REV1: variants seen among roughly 807,000 people sequenced by gnomAD.
REV1 encodes translesion synthesis protein REV1.
REV1 carries 42 observed loss-of-function variants against 137.4 expected under a neutral mutation model. The observed-to-expected ratio is 0.31, with a 90% CI of 0.24 to 0.40. The LOEUF (loss-of-function observed/expected upper bound fraction) is 0.40. REV1 is among the 10% of genes least tolerant of loss of function. The pLI, the probability that REV1 is intolerant of heterozygous loss-of-function variation, is 1.00. For missense variants in REV1, 1,282 were observed against 1,490.1 expected (o/e 0.86, Z 2.30); for synonymous variants, 524 against 519.2 (o/e 1.01, Z -0.12).
intron 1 of REV1, among the ~76,000 whole-genome samples, chr2:99,485,872 T>C (rs1687071571): frequency 6.6e-6 from 1 of 152,122 alleles, no homozygotes; most frequent in Non-Finnish European, 1.5e-5. Context: ...TCCCACCATT[T>C]TGGGAGGATG....
At chr2:99,433,015 AAG>A (rs1680311308) in intron 8 of REV1, among the ~76,000 whole-genome samples, 1 of 152,212 alleles carries the variant, frequency 6.6e-6, no homozygotes, top group African/African-American at 2.4e-5. Flanking sequence ...CTGAGCACTG[AAG>A]ATGCTACTGC....
At chr2:99,451,217 G>T in intron 3 of REV1, 1 of 457,942 alleles carries the variant, frequency 2.2e-6, no homozygotes, top group Non-Finnish European at 3.0e-6. Context: ...TAATTTGCAA[G>T]TTAATCTGTA....
chr2:99,402,177 C>T, intron 22 of REV1, 67 bp downstream of exon 22: 1 of 674,128 alleles, frequency 1.5e-6, no homozygotes, highest in Non-Finnish European at 2.6e-6. Flanking sequence ...TTTAAAACAA[C>T]TCAGTACACC....
chr2:99,448,305 T>C (rs574925251), intron 4 of REV1, among the ~76,000 whole-genome samples: 1 of 146,370 alleles, frequency 6.8e-6, no homozygotes, highest in Admixed American at 6.6e-5. Flanking sequence ...ATTACTACTT[T>C]AATATTTTAC....
chr2:99,429,703 T>C, intron 9 of REV1, 137 bp downstream of exon 9: 1 of 516,964 alleles, frequency 1.9e-6, no homozygotes, highest in East Asian at 3.3e-5. Context: ...GGGGCATAGA[T>C]GAGATGATTA....
intron 2 of REV1, 133 bp from the exon 3 acceptor site, chr2:99,462,755 C>T: frequency 1.1e-6 from 1 of 899,484 alleles, no homozygotes; most frequent in South Asian, 1.7e-5. Flanking sequence ...ATAATGATGA[C>T]CTCATAAACA....
intron 17 of REV1, 22 bp from the exon 18 acceptor site, chr2:99,404,699 A>G: frequency 6.5e-7 from 1 of 1,547,122 alleles, no homozygotes; most frequent in Non-Finnish European, 8.9e-7. Flanking sequence ...CAAACATATG[A>G]GTAGGAAGTT....
At chr2:99,480,426 A>G (rs1020955751) in intron 1 of REV1, among the ~76,000 whole-genome samples, 5 of 152,248 alleles carry the variant, frequency 3.3e-5, no homozygotes, top group African/African-American at 1.2e-4. Context: ...GTGGAGAAAT[A>G]TAACAGAAGG....
chr2:99,407,077 G>GTTTTTT (rs1293864331), intron 15 of REV1: 5 of 46,782 alleles, frequency 1.1e-4, no homozygotes, highest in African/African-American at 3.2e-4. Context: ...ACCTACAAAG[G>GTTTTTT]TTCTTTTTTT....
chr2:99,420,878 C>A (rs1446215679), intron 11 of REV1, among the ~76,000 whole-genome samples: 1 of 152,018 alleles, frequency 6.6e-6, no homozygotes, highest in East Asian at 1.9e-4. Context: ...GGGTATCTTG[C>A]CAGAAGGTAA....
intron 5 of REV1, among the ~76,000 whole-genome samples, chr2:99,439,592 T>A (rs763421986): frequency 4.6e-5 from 7 of 152,340 alleles, no homozygotes; most frequent in Non-Finnish European, 8.8e-5. Flanking sequence ...GTTTGTTTTT[T>A]ATTTTCACTT....
At chr2:99,429,321 C>T (rs13429185) in intron 9 of REV1, among the ~76,000 whole-genome samples, 23,617 of 152,008 alleles carry the variant, frequency 0.16, 2,233 homozygotes, top group African/African-American at 0.24. Flanking sequence ...AAGACCTATA[C>T]AAAAAGTTGG....
At position 99,402,698 on chromosome 2, in the gene REV1, C is replaced by T. The variant is rs1423283262; in HGVS notation, c.3487G>A (p.Val1163Ile). The T allele has an allele frequency of 5.6e-6, 9 of 1,614,182 alleles. No homozygotes were observed. Among genetic ancestry groups the T allele is most frequent in the Non-Finnish European group, 7.6e-6 (9 of 1,180,026 alleles). ...AAGGTCTTCACATCATTGAATTCAACAGCTCCAGCTAGATTGGGTGCTGGA... is the reference window on the plus strand; with the variant it reads ...AAGGTCTTCACATCATTGAATTCAATAGCTCCAGCTAGATTGGGTGCTGGA... ...RPPAPNLAGA[V>I]EFNDVKTLLR... is the part of the protein sequence containing the mutation. Residue 1163 changes from valine (V) to isoleucine (I), a missense_variant, in exon 21 of 23, where the codon GTT becomes ATT. Around this residue, in one of 7 missense-constraint regions of REV1, gnomAD observed 170 missense variants for 156.8 expected, o/e 1.08. Transcript: ENST00000258428.
chr2:99,447,965 G>C (rs1682439500), intron 4 of REV1, among the ~76,000 whole-genome samples: 1 of 152,060 alleles, frequency 6.6e-6, no homozygotes. Context: ...CAAAGTGCTG[G>C]GATTACAGGC....
At chr2:99,425,508 T>C (rs1015014331) in intron 9 of REV1, among the ~76,000 whole-genome samples, 2 of 152,166 alleles carry the variant, frequency 1.3e-5, no homozygotes, top group African/African-American at 2.4e-5. Context: ...AACCTTGCAC[T>C]TGCCTAGAAA....
At chr2:99,456,741 T>C (rs1559380566) in intron 3 of REV1, among the ~76,000 whole-genome samples, 1 of 152,336 alleles carries the variant, frequency 6.6e-6, no homozygotes. Flanking sequence ...ATACTACTAC[T>C]ATGGACTGGC....
chr2:99,433,361 T>C (rs1335279435), intron 8 of REV1, among the ~76,000 whole-genome samples: 1 of 152,172 alleles, frequency 6.6e-6, no homozygotes, highest in Non-Finnish European at 1.5e-5. Context: ...TTTATAAAAC[T>C]TGGAAATAAA....
chr2:99,437,306 A>C (rs1330440617), intron 6 of REV1, among the ~76,000 whole-genome samples: 1 of 152,100 alleles, frequency 6.6e-6, no homozygotes, highest in Non-Finnish European at 1.5e-5. Flanking sequence ...TTAAGCTCAC[A>C]ACCCCATGAG....
At chr2:99,430,507 A>T (rs1679979296) in intron 8 of REV1, among the ~76,000 whole-genome samples, 1 of 152,202 alleles carries the variant, frequency 6.6e-6, no homozygotes, top group Non-Finnish European at 1.5e-5. Flanking sequence ...TCCTAAATTC[A>T]AGCTTTTTCT....
Sources: allele counts gnomAD v4.1 joint callset (sites outside exome capture counted in the v4.1 genomes callset), GRCh38; gene constraint gnomAD v4.1.1; regional missense constraint gnomAD v4.1.1; transcripts MANE v1.5; gene names NCBI Gene and HGNC (gene_info 2026-07-23, HGNC 2026-07-21).